TNIK: variants seen among roughly 807,000 people sequenced by gnomAD.
TNIK encodes the protein TRAF2 and NCK interacting kinase.
TNIK carries 49 observed loss-of-function variants against 191.3 expected under a neutral mutation model. The ratio of observed to expected loss-of-function variants is 0.26; its 90% confidence interval spans 0.20 to 0.32. The LOEUF is 0.32. Ranked by LOEUF, TNIK falls within the 10% of genes least tolerant of loss-of-function variation. The probability of loss-of-function intolerance (pLI) is 1.00; values close to 1 mark genes in which losing one functional copy is unlikely to be tolerated. For missense variants in TNIK, 1,155 were observed against 1,702.3 expected, an observed-to-expected ratio of 0.68 and a Z score of 5.66; for synonymous variants, 594 against 600.9, an observed-to-expected ratio of 0.99 and a Z score of 0.17.
intron 1 of TNIK, among the ~76,000 whole-genome samples, chr3:171,423,399 C>T (rs1724080242): frequency 6.6e-6 from 1 of 152,048 alleles, no homozygotes; most frequent in Non-Finnish European, 1.5e-5. Context: ...TGAAAATGGC[C>T]ATACTGCCCA....
intron 2 of TNIK, among the ~76,000 whole-genome samples, chr3:171,295,135 C>A (rs961481485): frequency 6.6e-6 from 1 of 152,146 alleles, no homozygotes; most frequent in African/African-American, 2.4e-5. Context: ...TCTATGGCCA[C>A]ACTTCACTGT....
chr3:171,279,050 T>TA (rs1483243391), intron 2 of TNIK, among the ~76,000 whole-genome samples: 3 of 152,140 alleles, frequency 2.0e-5, no homozygotes, highest in African/African-American at 4.8e-5. Context: ...ACAAGTCTTC[T>TA]AGCAGGATTT....
chr3:171,076,015 C>T (rs371544728), intron 28 of TNIK, among the ~76,000 whole-genome samples: 2 of 152,270 alleles, frequency 1.3e-5, no homozygotes, highest in Non-Finnish European at 2.9e-5. Flanking sequence ...GGATTACAGG[C>T]GTGAGCCACT....
At chr3:171,101,428 C>A in intron 22 of TNIK, 21 bp downstream of exon 22, 1 of 1,585,582 alleles carries the variant, frequency 6.3e-7, no homozygotes, top group Non-Finnish European at 8.5e-7. Context: ...CCGGTCTACA[C>A]TTTAAAAGTA....
chr3:171,350,751 T>C (rs1713034987), intron 2 of TNIK, among the ~76,000 whole-genome samples: 1 of 152,178 alleles, frequency 6.6e-6, no homozygotes. Context: ...TTATCTCATT[T>C]AATCCTTATG....
intron 2 of TNIK, among the ~76,000 whole-genome samples, chr3:171,244,935 G>A (rs1348752394): frequency 6.6e-6 from 1 of 151,924 alleles, no homozygotes; most frequent in East Asian, 1.9e-4. Context: ...TGAAAAAGGA[G>A]CAATGAAGCT....
At chr3:171,382,984 C>A (rs1279666318) in intron 1 of TNIK, among the ~76,000 whole-genome samples, 1 of 152,134 alleles carries the variant, frequency 6.6e-6, no homozygotes. Context: ...CCCCATGCCC[C>A]AGACATTATG....
At chr3:171,439,933 T>A (rs1292977217) in intron 1 of TNIK, among the ~76,000 whole-genome samples, 3 of 152,212 alleles carry the variant, frequency 2.0e-5, no homozygotes, top group African/African-American at 7.2e-5. Flanking sequence ...ATTCTACTCT[T>A]GTCTCCCAGC....
chr3:171,142,578 G>A (rs1204106011), intron 12 of TNIK, among the ~76,000 whole-genome samples: 1 of 152,222 alleles, frequency 6.6e-6, no homozygotes, highest in African/African-American at 2.4e-5. Context: ...TGGACGATGG[G>A]ATAGAGAAGA....
Position 171,208,180 on chromosome 3 carries a change from G to T in TNIK, c.306+2936C>A, listed in dbSNP as rs1255288049. ...ACAAAAAAATAAATAAATTAGCTGG[G>T]CATAGTGGCGTGCTCTTGCAGTCAG... On this transcript the variant is annotated intron_variant, in intron 4 of 32. Coordinates refer to ENST00000436636, the MANE Select transcript of TNIK (RefSeq NM_015028.4). Among the ~76,000 whole-genome samples, 5 of 152,170 alleles carry T rather than the reference G, an allele frequency of 3.3e-5. No homozygotes were observed. The East Asian group carries it at 9.7e-4, about 29-fold the overall frequency.
chr3:171,395,058 G>T (rs1308792859), intron 1 of TNIK, among the ~76,000 whole-genome samples: 5 of 152,124 alleles, frequency 3.3e-5, no homozygotes, highest in African/African-American at 1.2e-4. Context: ...AGGTGATCTT[G>T]GCTGATGGAG....
At chr3:171,219,985 G>T (rs375567693) in intron 3 of TNIK, among the ~76,000 whole-genome samples, 6 of 152,156 alleles carry the variant, frequency 3.9e-5, no homozygotes, top group African/African-American at 1.4e-4. Context: ...AAGACTTGGA[G>T]CCAACCCAAA....
chr3:171,128,906 AAGAC>A (rs1292320662), intron 15 of TNIK, 28 bp from the exon 16 acceptor site: 1 of 1,505,838 alleles, frequency 6.6e-7, no homozygotes, highest in Non-Finnish European at 8.8e-7. Context: ...AAAAAAAAAA[AAGAC>A]AGCCTCAATG....
chr3:171,075,380 G>A (rs1719759231), intron 28 of TNIK, among the ~76,000 whole-genome samples: 2 of 152,218 alleles, frequency 1.3e-5, no homozygotes, highest in Admixed American at 1.3e-4. Context: ...GTGTGAGAAT[G>A]ATGGGATGTA....
chr3:171,108,908 A>C lies in TNIK; in HGVS notation c.2285-746T>G, dbSNP rs145886815. 4.6e-3 allele frequency among the ~76,000 whole-genome samples: 693 copies of C among 152,250 alleles called. 3 individuals carry two copies. The highest frequency in any genetic ancestry group is 0.016 in the African/African-American group (653 of 41,532). ...TAGCATCTTTGCAGTCTATGAGCTT[A>C]CAGATAGAGAAGATGCAATTTAGGG... On this transcript the variant is annotated intron_variant, in intron 19 of 32. Coordinates refer to ENST00000436636, the MANE Select transcript of TNIK (RefSeq NM_015028.4).
intron 1 of TNIK, among the ~76,000 whole-genome samples, chr3:171,441,843 A>G (rs58680209): frequency 0.027 from 4,062 of 152,258 alleles, 130 homozygotes; most frequent in African/African-American, 0.079. Flanking sequence ...ATTGTGGAGG[A>G]AGCATCCCCT....
At chr3:171,219,693 T>C (rs1447574109) in intron 3 of TNIK, among the ~76,000 whole-genome samples, 1 of 152,134 alleles carries the variant, frequency 6.6e-6, no homozygotes, top group African/African-American at 2.4e-5. Flanking sequence ...CACAATGAGA[T>C]ACCATCTCAT....
At chr3:171,358,065 C>A (rs1714407527) in intron 2 of TNIK, among the ~76,000 whole-genome samples, 1 of 151,996 alleles carries the variant, frequency 6.6e-6, no homozygotes, top group South Asian at 2.1e-4. Context: ...AACTATCCTC[C>A]CAGAACATCC....
At chr3:171,458,654 GA>G (rs985256021) in intron 1 of TNIK, among the ~76,000 whole-genome samples, 7 of 152,202 alleles carry the variant, frequency 4.6e-5, no homozygotes, top group African/African-American at 1.7e-4. Context: ...GGCAATGTCA[GA>G]AGTACTAGGA....
Sources: allele counts gnomAD v4.1 joint callset (sites outside exome capture counted in the v4.1 genomes callset), GRCh38; gene constraint gnomAD v4.1.1; transcripts MANE v1.5; gene names NCBI Gene and HGNC (gene_info 2026-07-23, HGNC 2026-07-21).